The following ANKRD17 variants were observed in gnomAD, a reference collection of about 807,000 sequenced individuals.
The protein encoded by ANKRD17 is ankyrin repeat domain-containing protein 17.
A neutral mutation model predicts 229.7 loss-of-function variants in ANKRD17; 19 were observed. The observed-to-expected ratio is 0.08, with a 90% CI of 0.06 to 0.12. The LOEUF (loss-of-function observed/expected upper bound fraction) is 0.12. Among genes scored for constraint, ANKRD17 ranks in the 10% least tolerant of loss-of-function variants. The pLI is 1.00. For synonymous variants in ANKRD17, 1,112 were observed against 1,146.1 expected (o/e 0.97, Z 0.60); for missense variants, 2,176 against 3,176.8 (o/e 0.68, Z 7.57).
intron 1 of ANKRD17, among the ~76,000 whole-genome samples, chr4:73,178,547 T>A (rs952760485): frequency 6.6e-6 from 1 of 152,116 alleles, no homozygotes; most frequent in South Asian, 2.1e-4. Context: ...TTTGTTTCCA[T>A]GGCCTTCGGG....
intron 1 of ANKRD17, among the ~76,000 whole-genome samples, chr4:73,200,987 C>CGGG (rs55813807): frequency 4.3e-4 from 17 of 39,402 alleles, no homozygotes; most frequent in African/African-American, 1.5e-3. Context: ...ACAGTATGGG[C>CGGG]GGGGGGGGGG....
intron 1 of ANKRD17, among the ~76,000 whole-genome samples, chr4:73,211,689 AT>A (rs1310486640): frequency 2.0e-5 from 3 of 152,038 alleles, no homozygotes; most frequent in Non-Finnish European, 4.4e-5. Flanking sequence ...TCTACTAAAA[AT>A]ACAAAAATTA....
intron 15 of ANKRD17, 70 bp from the exon 16 acceptor site, chr4:73,135,335 A>G (rs1183252850): frequency 4.9e-6 from 7 of 1,423,668 alleles, no homozygotes; most frequent in Non-Finnish European, 5.7e-6. Context: ...ATATTCACTC[A>G]AAAATATTTA....
chr4:73,163,880 A>C (rs1021464242), intron 2 of ANKRD17, among the ~76,000 whole-genome samples: 1 of 152,206 alleles, frequency 6.6e-6, no homozygotes, highest in Non-Finnish European at 1.5e-5. Context: ...CTAACATAGC[A>C]AATGTTATAT....
intron 29 of ANKRD17, 22 bp downstream of exon 29, chr4:73,090,645 A>G (rs767881941): frequency 1.2e-6 from 2 of 1,613,512 alleles, no homozygotes; most frequent in Non-Finnish European, 1.7e-6. Flanking sequence ...CAGCTGCAGA[A>G]TCTCAGAAAA....
chr4:73,155,484 T>C (rs772523051), intron 5 of ANKRD17, 147 bp downstream of exon 5: 2 of 862,768 alleles, frequency 2.3e-6, no homozygotes, highest in Non-Finnish European at 3.5e-6. Flanking sequence ...TTCTATATAC[T>C]TCAAAACTCA....
rs1332547375 is a variant in ANKRD17 at position 73,258,640 on chromosome 4, G to A, written c.29C>T (p.Ala10Val). Reference sequence around the variant, plus strand: ...CCCTTCTCCTTCTGCAGCCGTCGCCGCCGCCACCGGAACCGTCGCCTTCTC... The same window carrying A: ...CCCTTCTCCTTCTGCAGCCGTCGCCACCGCCACCGGAACCGTCGCCTTCTC... Reference protein sequence around the residue: MEKATVPVAAATAAEGEGSP... With the variant: MEKATVPVAVATAAEGEGSP... Residue 10 changes from alanine (A) to valine (V), a missense_variant, in exon 1 of 34, where the codon GCG (alanine) becomes GTG (valine). Coordinates refer to ENST00000358602, the MANE Select transcript of ANKRD17 (RefSeq NM_032217.5). The A allele has an allele frequency of 5.4e-6, 8 of 1,486,252 alleles. No individual in the cohort carries two copies. Among genetic ancestry groups the A allele is most frequent in the Non-Finnish European group, 5.3e-6 (6 of 1,127,096 alleles). The allele number at this position is 1,486,252 out of a possible 1,614,324, so 92.1% of individuals were successfully genotyped here.
chr4:73,225,594 C>A (rs1276708490), intron 1 of ANKRD17, among the ~76,000 whole-genome samples: 1 of 152,084 alleles, frequency 6.6e-6, no homozygotes, highest in Non-Finnish European at 1.5e-5. Flanking sequence ...TGGCTCATGC[C>A]TGTCCTGTAA....
At chr4:73,244,728 T>C (rs958639303) in intron 1 of ANKRD17, among the ~76,000 whole-genome samples, 1 of 152,142 alleles carries the variant, frequency 6.6e-6, no homozygotes, top group Non-Finnish European at 1.5e-5. Context: ...TACAGTTAAT[T>C]GGAAATGACA....
intron 11 of ANKRD17, among the ~76,000 whole-genome samples, chr4:73,143,438 T>G (rs1729852719): frequency 6.6e-6 from 1 of 152,196 alleles, no homozygotes; most frequent in South Asian, 2.1e-4. Context: ...CCTCTATCCC[T>G]AATTTGGATT....
At chr4:73,194,171 A>T (rs1737525615) in intron 1 of ANKRD17, among the ~76,000 whole-genome samples, 1 of 152,190 alleles carries the variant, frequency 6.6e-6, no homozygotes. Context: ...TGCCATATAT[A>T]AAATACTTCT....
chr4:73,194,923 T>C (rs1053137326), intron 1 of ANKRD17, among the ~76,000 whole-genome samples: 2 of 152,310 alleles, frequency 1.3e-5, no homozygotes, highest in Admixed American at 6.5e-5. Context: ...AAGTGTTTCA[T>C]GTTTTTTGGT....
chr4:73,104,764 T>G (rs564631875), intron 24 of ANKRD17, among the ~76,000 whole-genome samples: 1 of 151,704 alleles, frequency 6.6e-6, no homozygotes, highest in South Asian at 2.1e-4. Context: ...TGGGGGGGAT[T>G]TGGGGGTGGA....
chr4:73,145,761 T>A (rs975250984), intron 10 of ANKRD17, among the ~76,000 whole-genome samples: 9 of 152,172 alleles, frequency 5.9e-5, no homozygotes, highest in African/African-American at 2.2e-4. Flanking sequence ...TAGTTAGTTG[T>A]GTGCTTATGT....
chr4:73,119,684 A>G (rs1578107313), intron 21 of ANKRD17, among the ~76,000 whole-genome samples: 1 of 152,346 alleles, frequency 6.6e-6, no homozygotes, highest in East Asian at 1.9e-4. Context: ...TAAACAGACA[A>G]GCATCTTTGG....
At chr4:73,155,998 C>A (rs1422740925) in intron 4 of ANKRD17, 21 bp downstream of exon 4, 1 of 1,554,336 alleles carries the variant, frequency 6.4e-7, no homozygotes, top group African/African-American at 1.4e-5. Context: ...AACAAATAAG[C>A]TTTATTTTGA....
At chr4:73,115,978 C>G in intron 22 of ANKRD17, 62 bp from the exon 23 acceptor site, 3 of 1,374,314 alleles carry the variant, frequency 2.2e-6, no homozygotes. Flanking sequence ...AAATCTATGC[C>G]TGAACTAACT....
chr4:73,139,419 G>T (rs1035532074), intron 15 of ANKRD17, 112 bp downstream of exon 15: 2 of 1,233,370 alleles, frequency 1.6e-6, no homozygotes, highest in African/African-American at 1.5e-5. Context: ...AGCTAGACAT[G>T]AGTCAGTCCA....
intron 29 of ANKRD17, among the ~76,000 whole-genome samples, chr4:73,088,242 A>G (rs930417565): frequency 2.0e-5 from 3 of 152,222 alleles, no homozygotes; most frequent in Non-Finnish European, 2.9e-5. Flanking sequence ...ATTAGGAAGA[A>G]GTAGAGAGAA....
Sources: gnomAD v4.1 joint callset for allele counts (sites outside exome capture counted in the v4.1 genomes callset) on GRCh38, gnomAD v4.1.1 for gene constraint, MANE v1.5 for transcripts, NCBI Gene and HGNC (gene_info 2026-07-23, HGNC 2026-07-21) for gene names.